WDR44: variants seen among roughly 807,000 people sequenced by gnomAD.
The protein encoded by WDR44 is WD repeat-containing protein 44.
WDR44 carries 9 observed loss-of-function variants against 65.7 expected under a neutral mutation model. The ratio of observed to expected loss-of-function variants is 0.14; its 90% CI spans 0.08 to 0.24. The LOEUF (loss-of-function observed/expected upper bound fraction) is 0.24. WDR44 is among the 10% of genes least tolerant of loss of function. WDR44 has a pLI of 1.00. For synonymous variants in WDR44, 220 were observed against 235.2 expected (o/e 0.94, Z 0.59); for missense variants, 425 against 670.9 (o/e 0.63, Z 4.05).
intron 19 of WDR44, among the ~76,000 whole-genome samples, chrX:118,445,651 G>A (rs1357102696): frequency 8.9e-6 from 1 of 112,351 alleles, no homozygotes; most frequent in African/African-American, 3.2e-5. Flanking sequence ...CTTTGAGAAT[G>A]AATATTAATT....
In WDR44 at chrX:118,439,949, A is replaced by G. The variant is rs1176424475; in HGVS notation, c.1975-1419A>G. 3.7e-5 allele frequency among the ~76,000 whole-genome samples: 4 copies of G among 108,031 alleles called. No homozygotes were observed. The East Asian group carries it at 1.2e-3, about 32-fold the overall frequency. The allele number at this position is 108,031 out of a possible 115,157, so 93.8% of individuals were successfully genotyped here. A position where few individuals can be genotyped will look rare whatever the true frequency, so the allele number is the denominator to read the frequency against. On this transcript the variant is annotated intron_variant, in intron 14 of 19. Coordinates refer to ENST00000254029, the MANE Select transcript of WDR44 (RefSeq NM_019045.5). ...AGCCTGGGCAACATAGGGAGACCCC[A>G]TTTTTATAAAAAAATTTAAAATTAG...
intron 12 of WDR44, 64 bp downstream of exon 12, chrX:118,411,023 A>G: frequency 1.1e-6 from 1 of 916,882 alleles, no homozygotes; most frequent in Non-Finnish European, 1.5e-6. Flanking sequence ...ACCATAAAGT[A>G]TTTTTGTGTA....
rs376879420 is a variant in WDR44, at chrX:118,444,451, C to T, written c.2604C>T (p.Asn868=). 1.2e-5 allele frequency: 15 copies of T among 1,209,272 alleles called. No homozygotes were observed. Among genetic ancestry groups the T allele is most frequent in the Admixed American group, 4.4e-5 (2 of 45,690 alleles). The part of the protein sequence containing the change: ...LDVQSEKSEG[N]EKSEDAEVLD... ...TGCAATCTGAAAAATCAGAAGGGAA[C>T]GAGAAAAGTGAAGATGCTGAAGTTT... is the stretch of plus-strand genomic sequence containing the variant. Residue 868 remains asparagine, a synonymous_variant, in exon 19 of 20, where the codon AAC becomes AAT. Transcript: ENST00000254029.
At position 118,440,400 on chromosome X, in the gene WDR44, C is replaced by T. The variant is rs1300993401; in HGVS notation, c.1975-968C>T. Among the ~76,000 whole-genome samples the T allele has an allele frequency of 1.2e-4, 13 of 110,870 alleles. No individual in the cohort carries two copies. In the Admixed American group the frequency reaches 1.3e-3, roughly 11 times the overall value. On this transcript the variant is annotated intron_variant, in intron 14 of 19. Coordinates refer to ENST00000254029, the MANE Select transcript of WDR44 (RefSeq NM_019045.5). ...AGATGTCCCCTGCAAGGTCAGATTG[C>T]CGCAGGTTGAGAACCGCTGATTTGA... is the stretch of plus-strand genomic sequence containing the variant.
At chrX:118,393,689 CACTG>C (rs1444988986) in intron 4 of WDR44, among the ~76,000 whole-genome samples, 1 of 111,519 alleles carries the variant, frequency 9.0e-6, no homozygotes, top group Non-Finnish European at 1.9e-5. Context: ...TTAAAAAACT[CACTG>C]GCAACCAAGT....
chrX:118,442,426 A>G (rs1375512590), intron 16 of WDR44, 81 bp downstream of exon 16: 1 of 978,445 alleles, frequency 1.0e-6, no homozygotes. Flanking sequence ...AAAAAAATGT[A>G]TTCTCTTTGT....
At chrX:118,426,950 T>C (rs1016115782) in intron 12 of WDR44, among the ~76,000 whole-genome samples, 3 of 111,622 alleles carry the variant, frequency 2.7e-5, no homozygotes, top group Non-Finnish European at 5.6e-5. Flanking sequence ...TAAAAACTGG[T>C]ATAACCCATG....
chrX:118,348,118 A>G (rs2056369618), intron 1 of WDR44, among the ~76,000 whole-genome samples: 1 of 111,717 alleles, frequency 9.0e-6, no homozygotes, highest in Non-Finnish European at 1.9e-5. Context: ...CTCTGTGGAT[A>G]TTGTTCTTTC....
At chrX:118,376,246 TTTG>T (rs2056658747) in intron 1 of WDR44, among the ~76,000 whole-genome samples, 2 of 110,847 alleles carry the variant, frequency 1.8e-5, no homozygotes, top group Admixed American at 9.7e-5. Context: ...CCCATAAATG[TTTG>T]TTGAGTAAAG....
At chrX:118,346,686 G>A in intron 1 of WDR44, 106 bp downstream of exon 1, 1 of 621,302 alleles carries the variant, frequency 1.6e-6, no homozygotes, top group Non-Finnish European at 2.4e-6. Context: ...CGCCACCGCT[G>A]TTCCTCCCCG....
At chrX:118,369,766 C>T (rs902888180) in intron 1 of WDR44, among the ~76,000 whole-genome samples, 2 of 111,817 alleles carry the variant, frequency 1.8e-5, no homozygotes, top group East Asian at 2.8e-4. Context: ...CACGTCCAGC[C>T]GAAAATAACT....
At chrX:118,405,876 C>T (rs1268832541) in intron 9 of WDR44, among the ~76,000 whole-genome samples, 3 of 111,690 alleles carry the variant, frequency 2.7e-5, no homozygotes, top group Non-Finnish European at 5.6e-5. Context: ...CATGGTGGCT[C>T]ATGCCTATAA....
At chrX:118,398,597 C>T in intron 8 of WDR44, 127 bp downstream of exon 8, 2 of 536,865 alleles carry the variant, frequency 3.7e-6, no homozygotes, top group Non-Finnish European at 6.1e-6. Flanking sequence ...CCTCCCTGTC[C>T]CTCGCTGATG....
chrX:118,404,266 C>A (rs2056943894), intron 8 of WDR44, 72 bp from the exon 9 acceptor site: 2 of 753,747 alleles, frequency 2.7e-6, no homozygotes, highest in Non-Finnish European at 4.0e-6. Context: ...TCAGTCACAG[C>A]TGATACATTT....
chrX:118,411,018 A>G lies in WDR44; in HGVS notation c.1737+59A>G. 7.1e-6 allele frequency: 7 copies of G among 979,364 alleles called. No individual in the cohort carries two copies. The South Asian group carries it at 1.1e-4, about 15-fold the overall frequency. 80.7% of individuals were successfully genotyped at this position (979,364 alleles called of 1,213,427 possible). On this transcript the variant is annotated intron_variant, in intron 12 of 19. Transcript: ENST00000254029. ...AGGTATGATTTAATTTGTTTACCAT[A>G]AAGTATTTTTGTGTATCAGAAATTA...
At chrX:118,438,810 T>G (rs1242200119) in intron 14 of WDR44, among the ~76,000 whole-genome samples, 1 of 98,664 alleles carries the variant, frequency 1.0e-5, no homozygotes, top group African/African-American at 3.7e-5. Context: ...TTTTTTTTTT[T>G]TTTTTTTTGA....
intron 1 of WDR44, among the ~76,000 whole-genome samples, chrX:118,369,605 G>A (rs948045454): frequency 2.3e-4 from 24 of 104,506 alleles, no homozygotes; most frequent in East Asian, 1.2e-3. Context: ...AGTAGCTGGG[G>A]CTACAGGCGC....
intron 14 of WDR44, among the ~76,000 whole-genome samples, chrX:118,437,031 TAAATCTTTATTAAGACATGC>T (rs1219535006): frequency 1.8e-5 from 2 of 112,114 alleles, no homozygotes; most frequent in Admixed American, 9.6e-5. Context: ...TATTATATCC[TAAATCTTTATTAAGACATGC>T]AAGGTATAAA....
Position 118,438,797 on chromosome X carries a change from G to GTTTTTTTTTTTT in WDR44, c.1974+1983_1974+1994dup, listed in dbSNP as rs1213083479. Among the ~76,000 whole-genome samples the GTTTTTTTTTTTT allele has an allele frequency of 3.7e-4, 24 of 64,038 alleles. 2 individuals are homozygous for GTTTTTTTTTTTT. Among genetic ancestry groups the GTTTTTTTTTTTT allele is most frequent in the African/African-American group, 6.8e-4 (12 of 17,639 alleles). 55.6% of individuals were successfully genotyped at this position (64,038 alleles called of 115,157 possible). A position where few individuals can be genotyped will look rare whatever the true frequency, so the allele number is the denominator to read the frequency against. On this transcript the variant is annotated intron_variant, in intron 14 of 19. Transcript: ENST00000254029. ...TTTATTAAACTTTCTGTTCAGCCAT[G>GTTTTTTTTTTTT]TTTTTTTTTTTTTTTTTTTTTGAAG...
Sources: allele counts gnomAD v4.1 joint callset (sites outside exome capture counted in the v4.1 genomes callset), GRCh38; gene constraint gnomAD v4.1.1; transcripts MANE v1.5; gene names NCBI Gene and HGNC (gene_info 2026-07-23, HGNC 2026-07-21).